Variants in TBC1D1 observed in about 807,000 individuals in gnomAD.
TBC1D1 encodes TBC1 (tre-2/USP6, BUB2, cdc16) domain family, member 1.
In TBC1D1, 89 loss-of-function variants were observed where a neutral mutation model predicts 125.6. The observed-to-expected ratio is 0.71, with a 90% CI of 0.60 to 0.85. The LOEUF (loss-of-function observed/expected upper bound fraction) is 0.85. TBC1D1 is among the 40% of genes least tolerant of loss of function. The pLI, the probability that TBC1D1 is intolerant of heterozygous loss-of-function variation, is 0.00. For missense variants in TBC1D1, 1,377 were observed against 1,469.2 expected, an observed-to-expected ratio of 0.94 and a Z score of 1.03; for synonymous variants, 565 against 564.1, an observed-to-expected ratio of 1.00 and a Z score of -0.02.
At chr4:38,035,791 T>A in intron 8 of TBC1D1, 93 bp downstream of exon 8, 1 of 871,686 alleles carries the variant, frequency 1.1e-6, no homozygotes, top group Non-Finnish European at 1.8e-6. Flanking sequence ...CTCTGATACC[T>A]TTTTTTCTCC....
chr4:37,904,685 A>G (rs1716925875), intron 2 of TBC1D1, among the ~76,000 whole-genome samples: 1 of 152,232 alleles, frequency 6.6e-6, no homozygotes, highest in Non-Finnish European at 1.5e-5. Context: ...AATATGAATT[A>G]GTTCTTAAGT....
At chr4:38,004,461 A>T in intron 2 of TBC1D1, among the ~76,000 whole-genome samples, 1 of 152,202 alleles carries the variant, frequency 6.6e-6, no homozygotes, top group East Asian at 1.9e-4. Context: ...ATGCTTTATT[A>T]TTGAGCAGAG....
rs541619272 is a variant in TBC1D1 at position 38,062,594 on chromosome 4, C to A, written c.2050+8256C>A. 4.6e-5 allele frequency among the ~76,000 whole-genome samples: 7 copies of A among 152,180 alleles called. No individual in the cohort carries two copies. The South Asian group carries it at 1.5e-3, about 32-fold the overall frequency. ...TTCTATGGTTAAAGATACTTGATCA[C>A]CTCCCCATCCGCCCCCTACCCCACC... On this transcript the variant is annotated intron_variant, in intron 12 of 19. Transcript: ENST00000261439.
intron 2 of TBC1D1, among the ~76,000 whole-genome samples, chr4:37,997,567 T>C (rs1738080024): frequency 6.6e-6 from 1 of 152,184 alleles, no homozygotes; most frequent in Non-Finnish European, 1.5e-5. Flanking sequence ...AAATGTACTT[T>C]TAAAAAAATT....
Position 38,095,958 on chromosome 4 carries a change from C to A in TBC1D1, c.2266C>A (p.Leu756Met), listed in dbSNP as rs568485692. Reference sequence around the variant, plus strand: ...TGAAAATGATTTGCTGAACAAGCGCCTGAAGCTCGATTATGAAGAAATTAC... The same window carrying A: ...TGAAAATGATTTGCTGAACAAGCGCATGAAGCTCGATTATGAAGAAATTAC... The change falls in exon 14 of 20, where the codon CTG becomes ATG. Residue 756 changes from leucine to methionine, a missense_variant. Around this residue, in one of 3 missense-constraint regions of TBC1D1, gnomAD observed 543 missense variants for 613.5 expected, o/e 0.89. Coordinates refer to ENST00000261439, the MANE Select transcript of TBC1D1 (RefSeq NM_015173.4). 70 of 1,613,836 alleles carry A rather than the reference C, an allele frequency of 4.3e-5. No individual in the cohort carries two copies. The South Asian group carries it at 5.7e-4, about 13-fold the overall frequency.
At chr4:37,984,293 A>G (rs1482153364) in intron 2 of TBC1D1, among the ~76,000 whole-genome samples, 2 of 152,158 alleles carry the variant, frequency 1.3e-5, no homozygotes, top group Non-Finnish European at 2.9e-5. Flanking sequence ...AGTATGATTG[A>G]TAGATTGTAA....
chr4:38,091,695 A>G (rs180997874), intron 13 of TBC1D1, among the ~76,000 whole-genome samples: 82 of 152,348 alleles, frequency 5.4e-4, no homozygotes, highest in Non-Finnish European at 1.0e-3. Context: ...GAGGACAGCT[A>G]TAATTGGTGA....
At chr4:38,085,481 C>T (rs1453278115) in intron 12 of TBC1D1, among the ~76,000 whole-genome samples, 1 of 152,178 alleles carries the variant, frequency 6.6e-6, no homozygotes, top group Non-Finnish European at 1.5e-5. Context: ...GGGCAGTCGG[C>T]GGTGAATATC....
At chr4:38,054,444 T>G in intron 12 of TBC1D1, 106 bp downstream of exon 14, 1 of 1,450,852 alleles carries the variant, frequency 6.9e-7, no homozygotes, top group South Asian at 1.2e-5. Flanking sequence ...TCTTCAGTAT[T>G]GGCAGGTCTG....
intron 2 of TBC1D1, among the ~76,000 whole-genome samples, chr4:37,920,652 T>C (rs1577858565): frequency 6.6e-6 from 1 of 151,948 alleles, no homozygotes; most frequent in Non-Finnish European, 1.5e-5. Flanking sequence ...AGCATACACA[T>C]GGGAGTCAAA....
At chr4:38,066,917 G>A (rs554827985) in intron 12 of TBC1D1, among the ~76,000 whole-genome samples, 5 of 151,848 alleles carry the variant, frequency 3.3e-5, no homozygotes, top group South Asian at 4.2e-4. Flanking sequence ...TCGCTCTGTC[G>A]CCGGGCTGGA....
chr4:37,974,057 C>G (rs1018595576), intron 2 of TBC1D1, among the ~76,000 whole-genome samples: 4 of 152,200 alleles, frequency 2.6e-5, no homozygotes, highest in Admixed American at 1.3e-4. Flanking sequence ...GCCTCCATCT[C>G]TTCTAAGTGT....
rs1218563821 is a variant in TBC1D1, at chr4:38,049,902, A to C, written c.1910+4A>C. 3 of 1,605,212 alleles carry C rather than the reference A, an allele frequency of 1.9e-6. No homozygotes were observed. Among genetic ancestry groups the C allele is most frequent in the Non-Finnish European group, 2.6e-6 (3 of 1,174,960 alleles). ...CAGAGACGCCTCATGAACGAAAGTA[A>C]GATTTGTTTAAATTTGTTGCATAAA... On this transcript the variant is annotated splice_donor_region_variant and intron_variant, in intron 11 of 19. Transcript: ENST00000261439.
At position 37,902,394 on chromosome 4, in the gene TBC1D1, G is replaced by A. The variant is rs749274148; in HGVS notation, c.299G>A (p.Arg100His). 21 of 1,614,058 alleles carry A rather than the reference G, an allele frequency of 1.3e-5. No individual in the cohort carries two copies. Among genetic ancestry groups the A allele is most frequent in the South Asian group, 7.7e-5 (7 of 91,086 alleles). ...AGCATCTTTGAGTGCAAGCCTCAGC[G>A]TGTTCACAAACTGATTCACAACAGT... Residue 100 changes from arginine to histidine, a missense_variant, in exon 2 of 20, where the codon CGT becomes CAT. By Grantham distance (29) the Arg-to-His change is conservative (BLOSUM62 0). Transcript: ENST00000261439.
At chr4:38,028,544 A>G (rs887748756) in intron 7 of TBC1D1, among the ~76,000 whole-genome samples, 2 of 152,260 alleles carry the variant, frequency 1.3e-5, no homozygotes, top group Non-Finnish European at 2.9e-5. Flanking sequence ...CATGTTGGAC[A>G]TGCTTGGCTT....
Position 37,982,739 on chromosome 4 carries a change from C to G in TBC1D1, c.418-31770C>G, listed in dbSNP as rs139898272. On this transcript the variant is annotated intron_variant, in intron 2 of 19. Coordinates refer to ENST00000261439, the MANE Select transcript of TBC1D1 (RefSeq NM_015173.4). ...AAAAAAGATAAAGTATAATTTGTTT[C>G]CTTAGACAAATTCTTTAATCTGATT... Among the ~76,000 whole-genome samples, 126 of 152,318 alleles carry G rather than the reference C, an allele frequency of 8.3e-4. 1 individual carries two copies. The East Asian group carries it at 0.022, about 26-fold the overall frequency.
chr4:38,091,381 A>G (rs572629975), intron 13 of TBC1D1, among the ~76,000 whole-genome samples: 1 of 152,240 alleles, frequency 6.6e-6, no homozygotes, highest in African/African-American at 2.4e-5. Flanking sequence ...TTTTCTTCCA[A>G]CCCAGTTTTT....
intron 2 of TBC1D1, chr4:38,006,716 T>G (rs980567159): frequency 5.6e-6 from 2 of 356,758 alleles, no homozygotes; most frequent in Non-Finnish European, 1.1e-5. Flanking sequence ...CCTGACCTTG[T>G]GATCCGCCCA....
chr4:38,135,938 G>A (rs184172363), intron 19 of TBC1D1, among the ~76,000 whole-genome samples: 2 of 150,730 alleles, frequency 1.3e-5, no homozygotes, highest in African/African-American at 4.8e-5. Flanking sequence ...GTGTGTGTGT[G>A]TGTGTGTGTG....
Sources: gnomAD v4.1 joint callset for allele counts (sites outside exome capture counted in the v4.1 genomes callset) on GRCh38, gnomAD v4.1.1 for gene constraint, gnomAD v4.1.1 regional missense constraint, MANE v1.5 for transcripts, NCBI Gene and HGNC (gene_info 2026-07-23, HGNC 2026-07-21) for gene names.